Variants in LRTM1 observed in about 807,000 individuals in gnomAD.
LRTM1 encodes the protein leucine rich repeat transmembrane protein 1.
Under a neutral mutation model 32.4 loss-of-function variants are expected in LRTM1, and 38 were observed. The observed-to-expected ratio is 1.17, with a 90% CI of 0.91 to 1.54. The LOEUF (loss-of-function observed/expected upper bound fraction) is 1.54. Among genes scored for constraint, LRTM1 ranks in the 40% most tolerant of loss-of-function variants. LRTM1 has a pLI of 0.00. For missense variants in LRTM1, 466 were observed against 415.4 expected, an observed-to-expected ratio of 1.12 and a Z score of -1.06; for synonymous variants, 186 against 169.9, an observed-to-expected ratio of 1.09 and a Z score of -0.74.
chr3:54,951,643 T>A (rs1205913946), intron 1 of LRTM1, among the ~76,000 whole-genome samples: 1 of 151,140 alleles, frequency 6.6e-6, no homozygotes, highest in African/African-American at 2.5e-5. Flanking sequence ...CGTGCAGGGC[T>A]CCAGTCCCAG....
chr3:54,926,635 G>A (rs1447560941), intron 1 of LRTM1, among the ~76,000 whole-genome samples: 1 of 151,994 alleles, frequency 6.6e-6, no homozygotes, highest in Non-Finnish European at 1.5e-5. Context: ...TCTGTTCACT[G>A]AAAACTGATC....
chr3:54,952,019 T>A (rs2107018496), intron 1 of LRTM1, among the ~76,000 whole-genome samples: 1 of 152,216 alleles, frequency 6.6e-6, no homozygotes, highest in Non-Finnish European at 1.5e-5. Context: ...TGGCTAATTT[T>A]TGTCTTTTTA....
At chr3:54,926,376 G>T (rs1353830419) in intron 1 of LRTM1, among the ~76,000 whole-genome samples, 5 of 152,012 alleles carry the variant, frequency 3.3e-5, no homozygotes, top group African/African-American at 1.2e-4. Context: ...TTATAGTAGA[G>T]CTGTGATAAG....
Position 54,927,978 on chromosome 3 carries a change from C to A in LRTM1, c.-67G>T. On this transcript the variant is annotated 5_prime_UTR_variant, in exon 1 of 3. Transcript: ENST00000273286. ...TTTAATTAATGTGCAGAGCAACACA[C>A]GAAGGGCATGGCAGACTCAGAGCCC... is the stretch of plus-strand genomic sequence containing the variant. 1 of 1,504,502 alleles carries A rather than the reference C, an allele frequency of 6.6e-7. No homozygotes were observed. Among genetic ancestry groups the A allele is most frequent in the Non-Finnish European group, 9.2e-7 (1 of 1,081,506 alleles). 93.2% of individuals were successfully genotyped at this position (1,504,502 alleles called of 1,614,324 possible).
At chr3:54,936,464 G>A (rs960794604) in intron 1 of LRTM1, among the ~76,000 whole-genome samples, 2 of 152,154 alleles carry the variant, frequency 1.3e-5, no homozygotes, top group African/African-American at 2.4e-5. Context: ...TTGATTGTTA[G>A]TATCATGCAA....
At chr3:54,955,854 C>G (rs79302987) in intron 1 of LRTM1, among the ~76,000 whole-genome samples, 2 of 152,132 alleles carry the variant, frequency 1.3e-5, no homozygotes, top group Admixed American at 1.3e-4. Flanking sequence ...AGCCTGCTCA[C>G]GAAACCTGGT....
chr3:54,919,814 A>T (rs17054553), intron 2 of LRTM1, among the ~76,000 whole-genome samples: 19,500 of 152,256 alleles, frequency 0.13, 1,278 homozygotes, highest in Middle Eastern at 0.16. Context: ...TCTTGTAGGT[A>T]ACTCTTGTCC....
chr3:54,942,360 C>T (rs933750962), intron 1 of LRTM1, among the ~76,000 whole-genome samples: 2 of 152,186 alleles, frequency 1.3e-5, no homozygotes, highest in African/African-American at 4.8e-5. Context: ...GCCATCCCCT[C>T]CCACAGTGGC....
chr3:54,963,167 A>G (rs1172202082), intron 1 of LRTM1, among the ~76,000 whole-genome samples: 3 of 152,136 alleles, frequency 2.0e-5, no homozygotes, highest in Non-Finnish European at 4.4e-5. Context: ...GGTTCATTCA[A>G]ACTCATTTCC....
chr3:54,935,652 A>G (rs1701309589), intron 1 of LRTM1, among the ~76,000 whole-genome samples: 1 of 152,152 alleles, frequency 6.6e-6, no homozygotes, highest in African/African-American at 2.4e-5. Flanking sequence ...TGTTTTTTGC[A>G]GTTCTTGTTG....
intron 1 of LRTM1, among the ~76,000 whole-genome samples, chr3:54,960,827 T>G (rs1427674884): frequency 6.6e-6 from 1 of 152,056 alleles, no homozygotes; most frequent in East Asian, 1.9e-4. Flanking sequence ...ATTTAACAGA[T>G]GAGTTATGTC....
intron 1 of LRTM1, among the ~76,000 whole-genome samples, chr3:54,926,092 C>A (rs1217652737): frequency 6.6e-6 from 1 of 152,036 alleles, no homozygotes; most frequent in African/African-American, 2.4e-5. Context: ...TTGATTCATG[C>A]CCAATTTCTA....
At position 54,918,400 on chromosome 3, in the gene LRTM1, C is replaced by T; in HGVS notation, c.*59G>A. 1 of 1,400,982 alleles carries T rather than the reference C, an allele frequency of 7.1e-7. No homozygotes were observed. The highest frequency in any genetic ancestry group is 9.8e-7 in the Non-Finnish European group (1 of 1,020,106). The allele number at this position is 1,400,982 out of a possible 1,614,324, so 86.8% of individuals were successfully genotyped here. ...ATCAGACTAACAGGAAACACATCAGCCCTACTCAGACACTATCTTCTGGCC... is the reference window on the plus strand; with the variant it reads ...ATCAGACTAACAGGAAACACATCAGTCCTACTCAGACACTATCTTCTGGCC... On this transcript the variant is annotated 3_prime_UTR_variant, in exon 3 of 3. Transcript: ENST00000273286.
At chr3:54,920,485 A>G (rs539202915) in intron 2 of LRTM1, among the ~76,000 whole-genome samples, 2 of 152,304 alleles carry the variant, frequency 1.3e-5, no homozygotes, top group East Asian at 3.9e-4. Context: ...CTAAAGCAGA[A>G]AGATAAAAGG....
chr3:54,939,174 C>A (rs965352583), intron 1 of LRTM1, among the ~76,000 whole-genome samples: 6 of 152,206 alleles, frequency 3.9e-5, no homozygotes, highest in African/African-American at 1.2e-4. Context: ...GAAACTCTTA[C>A]AACCTTCCAG....
upstream of LRTM1, among the ~76,000 whole-genome samples, chr3:54,929,344 T>C (rs1195120728): frequency 1.3e-5 from 2 of 152,174 alleles, no homozygotes; most frequent in Admixed American, 6.5e-5. Context: ...TGCTGCCAAC[T>C]TCTGAGGACA....
chr3:54,940,316 T>C (rs1701434738), intron 1 of LRTM1, among the ~76,000 whole-genome samples: 1 of 152,212 alleles, frequency 6.6e-6, no homozygotes, highest in African/African-American at 2.4e-5. Flanking sequence ...AGGGAGCAAC[T>C]GTCTTCTAAA....
At chr3:54,942,778 G>A (rs1470066628) in intron 1 of LRTM1, among the ~76,000 whole-genome samples, 2 of 152,044 alleles carry the variant, frequency 1.3e-5, no homozygotes, top group East Asian at 3.9e-4. Context: ...TAATCCCAGA[G>A]CTTTGGGAGG....
chr3:54,963,926 T>C (rs1346054821), intron 1 of LRTM1, among the ~76,000 whole-genome samples: 2 of 152,190 alleles, frequency 1.3e-5, no homozygotes, highest in African/African-American at 4.8e-5. Flanking sequence ...AGATACTTTG[T>C]TGAAGTTTCG....
Sources: allele counts gnomAD v4.1 joint callset (sites outside exome capture counted in the v4.1 genomes callset), GRCh38; gene constraint gnomAD v4.1.1; transcripts MANE v1.5; gene names NCBI Gene and HGNC (gene_info 2026-07-23, HGNC 2026-07-21).